The following PCM1 variants were observed in gnomAD, a reference collection of about 807,000 sequenced individuals.
PCM1 encodes pericentriolar material 1.
In PCM1, 157 loss-of-function variants were observed where a neutral mutation model predicts 241.9. The observed-to-expected ratio is 0.65, with a 90% CI of 0.57 to 0.74. PCM1 has a LOEUF of 0.74. PCM1 is among the 30% of genes least tolerant of loss of function. The pLI, the probability that PCM1 is intolerant of heterozygous loss-of-function variation, is 0.00. For synonymous variants in PCM1, 1,085 were observed against 784.9 expected, an observed-to-expected ratio of 1.38 and a Z score of -6.39; for missense variants, 3,478 against 2,360.1, an observed-to-expected ratio of 1.47 and a Z score of -9.81.
intron 6 of PCM1, 123 bp downstream of exon 6, chr8:17,939,984 A>G (rs1159543358): frequency 3.2e-6 from 4 of 1,258,384 alleles, no homozygotes; most frequent in South Asian, 1.3e-5. Flanking sequence ...GCCATCCATT[A>G]TAACAATTTA....
At chr8:18,007,122 T>G (rs1189329567) in intron 30 of PCM1, among the ~76,000 whole-genome samples, 2 of 152,220 alleles carry the variant, frequency 1.3e-5, no homozygotes, top group Non-Finnish European at 2.9e-5. Context: ...ATCTTTACCT[T>G]TATATTTACC....
intron 6 of PCM1, among the ~76,000 whole-genome samples, chr8:17,946,599 C>A (rs185641272): frequency 6.6e-6 from 1 of 151,886 alleles, no homozygotes. Flanking sequence ...TGAGTTCAAG[C>A]GATTCTCTTG....
chr8:17,947,053 T>C (rs1387398603), intron 6 of PCM1, 133 bp from the exon 7 acceptor site: 1 of 525,108 alleles, frequency 1.9e-6, no homozygotes, highest in Non-Finnish European at 3.4e-6. Flanking sequence ...TTTTTCTTGA[T>C]GTCTACTAAA....
intron 6 of PCM1, among the ~76,000 whole-genome samples, chr8:17,943,415 T>G (rs948843662): frequency 6.6e-6 from 1 of 152,166 alleles, no homozygotes; most frequent in African/African-American, 2.4e-5. Flanking sequence ...GAAGAGCAAA[T>G]AAACATGAAG....
intron 23 of PCM1, among the ~76,000 whole-genome samples, chr8:17,979,553 G>C (rs2079976861): frequency 6.6e-6 from 1 of 152,156 alleles, no homozygotes; most frequent in Non-Finnish European, 1.5e-5. Flanking sequence ...AAGTGTTTGA[G>C]TGGGGGGTAT....
At chr8:17,930,024 C>T (rs753195052) in intron 2 of PCM1, among the ~76,000 whole-genome samples, 3 of 151,998 alleles carry the variant, frequency 2.0e-5, no homozygotes, top group Admixed American at 6.6e-5. Context: ...GTCACCAACT[C>T]CTATTGATCC....
At chr8:17,967,705 A>G (rs1030508803) in intron 21 of PCM1, among the ~76,000 whole-genome samples, 3 of 152,212 alleles carry the variant, frequency 2.0e-5, no homozygotes, top group African/African-American at 7.2e-5. Context: ...ATTAAGAGGA[A>G]AGAGAACCTG....
At chr8:17,955,815 A>G (rs945923359) in intron 10 of PCM1, 162 bp downstream of exon 10, 4 of 634,750 alleles carry the variant, frequency 6.3e-6, no homozygotes, top group Non-Finnish European at 1.1e-5. Flanking sequence ...TGTGGGCATA[A>G]TTTGAGTTGT....
At chr8:17,995,961 T>C (rs1430431057) in intron 29 of PCM1, among the ~76,000 whole-genome samples, 1 of 152,062 alleles carries the variant, frequency 6.6e-6, no homozygotes, top group Non-Finnish European at 1.5e-5. Context: ...AGTATAAGAT[T>C]ATATATATAT....
chr8:17,933,217 T>TA (rs1187475658), intron 2 of PCM1, among the ~76,000 whole-genome samples: 4 of 152,224 alleles, frequency 2.6e-5, no homozygotes, highest in African/African-American at 9.6e-5. Flanking sequence ...CGTTAGCTGT[T>TA]ACTAGTTTTT....
At chr8:17,988,074 G>C (rs1587907652) in intron 26 of PCM1, among the ~76,000 whole-genome samples, 1 of 151,812 alleles carries the variant, frequency 6.6e-6, no homozygotes, top group Non-Finnish European at 1.5e-5. Context: ...AAGTCAAGGA[G>C]GATGGAGTGG....
At position 17,961,234 on chromosome 8, in the gene PCM1, A is replaced by C. The variant is rs201451698; in HGVS notation, c.2322+790A>C. Among the ~76,000 whole-genome samples the C allele has an allele frequency of 2.6e-5, 4 of 152,226 alleles. No homozygotes were observed. In the East Asian group the frequency reaches 7.7e-4, roughly 29 times the overall value. On this transcript the variant is annotated intron_variant, in intron 15 of 38. Transcript: ENST00000325083. ...AAATAAGATATCTTTGGTGATATCA[A>C]ATAATCAGTTAATAATATGGGAAGG...
intron 24 of PCM1, among the ~76,000 whole-genome samples, chr8:17,981,841 C>T (rs2080937804): frequency 6.6e-6 from 1 of 151,382 alleles, no homozygotes; most frequent in African/African-American, 2.4e-5. Flanking sequence ...TGGAAAGCTT[C>T]AGAAGTCATG....
intron 26 of PCM1, chr8:17,986,305 T>G (rs564244735): frequency 3.0e-6 from 1 of 328,942 alleles, no homozygotes; most frequent in Non-Finnish European, 5.5e-6. Flanking sequence ...TATGATAGAT[T>G]ATGAGGTCTG....
At chr8:18,008,920 T>C (rs562754267) in intron 30 of PCM1, among the ~76,000 whole-genome samples, 5 of 152,342 alleles carry the variant, frequency 3.3e-5, no homozygotes, top group Admixed American at 2.0e-4. Context: ...CTCCTTGACA[T>C]AATAAATGTA....
At chr8:17,997,131 T>C (rs1439214743) in intron 29 of PCM1, among the ~76,000 whole-genome samples, 1 of 152,214 alleles carries the variant, frequency 6.6e-6, no homozygotes, top group Admixed American at 6.5e-5. Context: ...TATTTCTCCT[T>C]CGTGTTTGAA....
At chr8:18,021,011 A>G (rs1026581534) in intron 36 of PCM1, among the ~76,000 whole-genome samples, 1 of 152,210 alleles carries the variant, frequency 6.6e-6, no homozygotes, top group African/African-American at 2.4e-5. Flanking sequence ...GTGGACTTTT[A>G]TGGCCAAGTC....
At chr8:17,974,331 A>G (rs188573583) in intron 23 of PCM1, among the ~76,000 whole-genome samples, 1 of 152,288 alleles carries the variant, frequency 6.6e-6, no homozygotes, top group East Asian at 1.9e-4. Context: ...GCCCTCACAG[A>G]GATGCTCTTT....
At chr8:18,006,855 T>C (rs1338648242) in intron 30 of PCM1, among the ~76,000 whole-genome samples, 2 of 152,298 alleles carry the variant, frequency 1.3e-5, no homozygotes, top group African/African-American at 2.4e-5. Flanking sequence ...ATTTGCCTTC[T>C]AGGAGACATT....
Sources: allele counts gnomAD v4.1 joint callset (sites outside exome capture counted in the v4.1 genomes callset), GRCh38; gene constraint gnomAD v4.1.1; transcripts MANE v1.5; gene names NCBI Gene and HGNC (gene_info 2026-07-23, HGNC 2026-07-21).